The following TUT7 variants were observed in gnomAD, a reference collection of about 807,000 sequenced individuals.
TUT7 encodes the protein terminal uridylyltransferase 7.
Under a neutral mutation model 165.9 loss-of-function variants are expected in TUT7, and 33 were observed. The ratio of observed to expected loss-of-function variants is 0.20; its 90% CI spans 0.15 to 0.27. The LOEUF (loss-of-function observed/expected upper bound fraction) is 0.27. Among genes scored for constraint, TUT7 ranks in the 10% least tolerant of loss-of-function variants. The probability of loss-of-function intolerance (pLI) is 1.00; values close to 1 mark genes in which losing one functional copy is unlikely to be tolerated. For synonymous variants in TUT7, 552 were observed against 608.1 expected (o/e 0.91, Z 1.36); for missense variants, 1,338 against 1,762.3 (o/e 0.76, Z 4.31).
intron 26 of TUT7, among the ~76,000 whole-genome samples, chr9:86,294,559 T>C (rs901097635): frequency 2.1e-5 from 3 of 140,614 alleles, no homozygotes; most frequent in East Asian, 4.3e-4. Flanking sequence ...ATAAAGAATA[T>C]TGGGGTTTTT....
At chr9:86,347,206 C>T (rs1157791689) in intron 2 of TUT7, among the ~76,000 whole-genome samples, 1 of 152,088 alleles carries the variant, frequency 6.6e-6, no homozygotes, top group East Asian at 1.9e-4. Flanking sequence ...AACAACTGGC[C>T]ATTGAAACAA....
At chr9:86,313,265 A>G (rs2131374319) in intron 17 of TUT7, among the ~76,000 whole-genome samples, 1 of 152,302 alleles carries the variant, frequency 6.6e-6, no homozygotes, top group Non-Finnish European at 1.5e-5. Flanking sequence ...CTGGCAGTGG[A>G]CAGACTGGAG....
intron 17 of TUT7, among the ~76,000 whole-genome samples, chr9:86,314,536 C>T (rs2131380389): frequency 6.6e-6 from 1 of 152,318 alleles, no homozygotes; most frequent in South Asian, 2.1e-4. Context: ...ATTCCTGGTT[C>T]TCAAATAACC....
rs533117946 is a variant in TUT7, at chr9:86,351,112, G to A, written c.520+1568C>T. ...TCACATCACTGCACCTCCAGCCTGG[G>A]TGACACAGTGAGACTGTCTCAAAAA... On this transcript the variant is annotated intron_variant, in intron 2 of 26. Coordinates refer to ENST00000375963, the MANE Select transcript of TUT7 (RefSeq NM_024617.4). Among the ~76,000 whole-genome samples, 12 of 146,848 alleles carry A rather than the reference G, an allele frequency of 8.2e-5. No individual in the cohort carries two copies. The East Asian group carries it at 1.8e-3, about 22-fold the overall frequency.
rs1829544479 is a variant in TUT7 at position 86,323,771 on chromosome 9, T to C, written c.1979A>G (p.His660Arg). The C allele has an allele frequency of 1.9e-6, 3 of 1,613,910 alleles. No homozygotes were observed. Among genetic ancestry groups the C allele is most frequent in the East Asian group, 2.2e-5 (1 of 44,878 alleles). Residue 660 changes from histidine (H) to arginine (R), a missense_variant, in exon 13 of 27, where the codon CAT (histidine) becomes CGT (arginine). Coordinates refer to ENST00000375963, the MANE Select transcript of TUT7 (RefSeq NM_024617.4). The stretch of plus-strand genomic sequence containing the variant: ...ATCTTTTGTTTGTACATCTGGATGA[T>C]GATTTATTACTTCTTTAGAATGTTC... The part of the protein sequence containing the change: ...ISEHSKEVIN[H>R]HPDVQTKDDK...
At chr9:86,326,751 C>T (rs543218166) in intron 11 of TUT7, among the ~76,000 whole-genome samples, 2 of 152,202 alleles carry the variant, frequency 1.3e-5, no homozygotes, top group South Asian at 2.1e-4. Flanking sequence ...TGGCAGTGGC[C>T]GGATGAGAAC....
intron 4 of TUT7, 111 bp downstream of exon 4, chr9:86,345,558 T>C: frequency 1.3e-6 from 1 of 765,820 alleles, no homozygotes; most frequent in Non-Finnish European, 2.2e-6. Context: ...ATTCAATAAA[T>C]AAAGCAGTAA....
At chr9:86,331,403 A>G (rs1399995853) in intron 10 of TUT7, among the ~76,000 whole-genome samples, 1 of 152,196 alleles carries the variant, frequency 6.6e-6, no homozygotes, top group Non-Finnish European at 1.5e-5. Context: ...TATACTATCT[A>G]TACTGATTTT....
In TUT7 at chr9:86,298,848, C is replaced by T. The variant is rs548929607; in HGVS notation, c.4420+2428G>A. ...AGCACTGCCTAAAAAATGAAATAGACTGGTTTACAAAATCGAAAGGAAGAG... is the reference window on the plus strand; with the variant it reads ...AGCACTGCCTAAAAAATGAAATAGATTGGTTTACAAAATCGAAAGGAAGAG... On this transcript the variant is annotated intron_variant, in intron 26 of 26. Transcript: ENST00000375963. 3 of 979,126 alleles carry T rather than the reference C, an allele frequency of 3.1e-6. No homozygotes were observed. In the African/African-American group the frequency reaches 5.2e-5, roughly 17 times the overall value. The allele number at this position is 979,126 out of a possible 1,614,324, so 60.7% of individuals were successfully genotyped here.
At chr9:86,352,004 C>A (rs2131630671) in intron 2 of TUT7, among the ~76,000 whole-genome samples, 2 of 151,832 alleles carry the variant, frequency 1.3e-5, no homozygotes, top group Middle Eastern at 6.8e-3. Context: ...CCTTATTATC[C>A]CTTTGGGGCA....
intron 17 of TUT7, among the ~76,000 whole-genome samples, chr9:86,313,792 C>G (rs1235809266): frequency 2.6e-5 from 4 of 152,184 alleles, no homozygotes; most frequent in African/African-American, 9.7e-5. Context: ...AAGATAAGCT[C>G]ATTCTGAGAT....
At chr9:86,306,640 C>G (rs1365020432) in intron 22 of TUT7, among the ~76,000 whole-genome samples, 5 of 151,980 alleles carry the variant, frequency 3.3e-5, no homozygotes, top group African/African-American at 1.2e-4. Flanking sequence ...AACACTCTCT[C>G]TACTAAAAAT....
At chr9:86,313,667 A>G (rs926310725) in intron 17 of TUT7, among the ~76,000 whole-genome samples, 1 of 152,160 alleles carries the variant, frequency 6.6e-6, no homozygotes, top group Non-Finnish European at 1.5e-5. Context: ...GCTAATTATC[A>G]TTTCACCCGT....
intron 11 of TUT7, 109 bp downstream of exon 11, chr9:86,328,231 A>G (rs920670073): frequency 3.4e-6 from 4 of 1,167,270 alleles, no homozygotes; most frequent in Non-Finnish European, 3.4e-6. Context: ...TGGCAAATGA[A>G]AGAGCCACGA....
chr9:86,310,677 C>A, intron 18 of TUT7, 29 bp downstream of exon 18: 1 of 1,332,964 alleles, frequency 7.5e-7, no homozygotes, highest in Non-Finnish European at 1.1e-6. Context: ...CTTAACCTCT[C>A]TAAACAAAAA....
At chr9:86,315,173 C>G (rs897358278) in intron 17 of TUT7, among the ~76,000 whole-genome samples, 4 of 152,230 alleles carry the variant, frequency 2.6e-5, no homozygotes, top group African/African-American at 9.6e-5. Flanking sequence ...ACATAGGAGG[C>G]ACCCAATAAA....
rs1375457461 is a variant in TUT7 at position 86,325,415 on chromosome 9, C to A, written c.1708G>T (p.Asp570Tyr). The change falls in exon 12 of 27, where the codon GAT becomes TAT. Residue 570 changes from aspartate (D) to tyrosine (Y), a missense_variant. Physicochemically the swap from Asp to Tyr is radical, Grantham distance 160 (BLOSUM62 -3). Coordinates refer to ENST00000375963, the MANE Select transcript of TUT7 (RefSeq NM_024617.4). ...TTGACACGAATACTTATCACTAAATCAGCCAAATTAAATTCTAAAGCATAG... is the reference window on the plus strand; with the variant it reads ...TTGACACGAATACTTATCACTAAATAAGCCAAATTAAATTCTAAAGCATAG... ...RFYALEFNLA[D>Y]LVISIRVKEL... The A allele has an allele frequency of 6.2e-7, 1 of 1,613,996 alleles. No homozygotes were observed.
intron 14 of TUT7, among the ~76,000 whole-genome samples, chr9:86,320,955 C>A (rs1278680569): frequency 5.9e-5 from 9 of 152,226 alleles, no homozygotes; most frequent in Admixed American, 1.3e-4. Flanking sequence ...CTGGTCCCTT[C>A]TTTCTGGGGC....
intron 14 of TUT7, 52 bp downstream of exon 14, chr9:86,322,273 G>A (rs1829379273): frequency 1.3e-6 from 2 of 1,549,092 alleles, no homozygotes; most frequent in Non-Finnish European, 1.8e-6. Context: ...AAAGACTCGA[G>A]TAAATGTCAA....
Sources: gnomAD v4.1 joint callset for allele counts (sites outside exome capture counted in the v4.1 genomes callset) on GRCh38, gnomAD v4.1.1 for gene constraint, MANE v1.5 for transcripts, NCBI Gene and HGNC (gene_info 2026-07-23, HGNC 2026-07-21) for gene names.